The following SPRR2B variants were observed in gnomAD, a reference collection of about 807,000 sequenced individuals.
SPRR2B encodes the protein small proline-rich protein 2B.
A neutral mutation model predicts 1.0 loss-of-function variants in SPRR2B; 1 was observed. The ratio of observed to expected loss-of-function variants is 1.01; its 90% confidence interval spans 0.36 to 4.77. SPRR2B has a LOEUF of 4.77. SPRR2B is among the 30% of genes most tolerant of loss of function. The pLI is 0.16. For synonymous variants in SPRR2B, 27 were observed against 33.4 expected, an observed-to-expected ratio of 0.81 and a Z score of 0.66; for missense variants, 53 against 88.7, an observed-to-expected ratio of 0.60 and a Z score of 1.62.
chr1:153,076,398 A>C (rs1654767642), upstream of SPRR2B, among the ~76,000 whole-genome samples: 3 of 152,202 alleles, frequency 2.0e-5, no homozygotes, highest in Non-Finnish European at 4.4e-5. Flanking sequence ...ATGGTAAATG[A>C]TGGAATAATT....
At chr1:153,078,954 G>A in the SPRR2B span, among the ~76,000 whole-genome samples, 2 of 152,108 alleles carry the variant, frequency 1.3e-5, no homozygotes, top group South Asian at 2.1e-4. Context: ...TTCCACAATC[G>A]TTGAACTAGT....
chr1:153,077,622 T>C, the SPRR2B span, among the ~76,000 whole-genome samples: 1 of 151,924 alleles, frequency 6.6e-6, no homozygotes, highest in Non-Finnish European at 1.5e-5. Flanking sequence ...TTTTTTTCTT[T>C]TCTTTTTTTT....
the SPRR2B span, among the ~76,000 whole-genome samples, chr1:153,084,888 G>A: frequency 6.6e-6 from 1 of 152,188 alleles, no homozygotes; most frequent in African/African-American, 2.4e-5. Flanking sequence ...TTCCCTCAGA[G>A]TTATGGCATG....
In SPRR2B at chr1:153,070,399, A is replaced by G. The variant is rs1481186388; in HGVS notation, c.*222T>C. ...TGAAGCTCTGGGAACTGACAAAGCC[A>G]AGGTTCCTTTGCTCAGTCTCCACCT... On this transcript the variant is annotated 3_prime_UTR_variant, in exon 2 of 2. Transcript: ENST00000368755. 4.7e-6 allele frequency: 4 copies of G among 853,960 alleles called. No homozygotes were observed. The highest frequency in any genetic ancestry group is 5.2e-6 in the Non-Finnish European group (3 of 573,116). The allele number at this position is 853,960 out of a possible 1,614,324, so 52.9% of individuals were successfully genotyped here.
At chr1:153,073,265 G>A (rs1654708914), upstream of SPRR2B, among the ~76,000 whole-genome samples, 1 of 152,212 alleles carries the variant, frequency 6.6e-6, no homozygotes, top group African/African-American at 2.4e-5. Flanking sequence ...GTCAAGTACA[G>A]TGGGTGCAGT....
At chr1:153,071,397 A>AT (rs1479976830) in intron 1 of SPRR2B, among the ~76,000 whole-genome samples, 172 bp downstream of exon 1, 4 of 151,542 alleles carry the variant, frequency 2.6e-5, no homozygotes, top group South Asian at 2.1e-4. Context: ...ATAACTGTAT[A>AT]TATTTTTTAA....
At chr1:153,081,135 C>G in the SPRR2B span, among the ~76,000 whole-genome samples, 1 of 152,108 alleles carries the variant, frequency 6.6e-6, no homozygotes, top group African/African-American at 2.4e-5. Context: ...AGACACCTAC[C>G]GTGACACACC....
the SPRR2B span, among the ~76,000 whole-genome samples, chr1:153,083,858 T>A: frequency 1.3e-5 from 2 of 152,314 alleles, 1 homozygote; most frequent in South Asian, 4.1e-4. Flanking sequence ...AGGGAGTGTC[T>A]GTAATGGAGC....
chr1:153,080,616 TGTACA>T, the SPRR2B span, among the ~76,000 whole-genome samples: 1 of 152,204 alleles, frequency 6.6e-6, no homozygotes, highest in Non-Finnish European at 1.5e-5. Context: ...GAAAAAAATT[TGTACA>T]GTAAAGGCTG....
the SPRR2B span, among the ~76,000 whole-genome samples, chr1:153,081,694 A>G: frequency 6.6e-6 from 1 of 152,258 alleles, no homozygotes; most frequent in South Asian, 2.1e-4. Context: ...TACAAGATTT[A>G]AAATGCAAAT....
At chr1:153,079,094 T>C in the SPRR2B span, among the ~76,000 whole-genome samples, 2 of 152,232 alleles carry the variant, frequency 1.3e-5, no homozygotes, top group Non-Finnish European at 2.9e-5. Context: ...GGTTTTGATT[T>C]GCATTTCTCC....
At chr1:153,081,819 T>TCTTTG in the SPRR2B span, among the ~76,000 whole-genome samples, 1 of 140,430 alleles carries the variant, frequency 7.1e-6, no homozygotes, top group East Asian at 2.0e-4. Flanking sequence ...CCTTTTCTTT[T>TCTTTG]CTTTTCTTTT....
the SPRR2B span, among the ~76,000 whole-genome samples, chr1:153,080,239 CAAAT>C: frequency 2.0e-5 from 3 of 151,990 alleles, no homozygotes; most frequent in Non-Finnish European, 4.4e-5. Flanking sequence ...GTTGAAAACT[CAAAT>C]AATTCACTCT....
rs530112125 is a variant in SPRR2B at position 153,070,276 on chromosome 1, C to A, written c.*345G>T. 3.5e-5 allele frequency: 16 copies of A among 453,054 alleles called. No homozygotes were observed. In the South Asian group the frequency reaches 8.4e-4, roughly 24 times the overall value. The allele number at this position is 453,054 out of a possible 1,614,324, so 28.1% of individuals were successfully genotyped here. A position where few individuals can be genotyped will look rare whatever the true frequency, so the allele number is the denominator to read the frequency against. Reference sequence around the variant, plus strand: ...GAGTGAAAGAAAAGTGACAATTGCACAGGTGGTAGAAGCTCATGCCCAGGT... The same window carrying A: ...GAGTGAAAGAAAAGTGACAATTGCAAAGGTGGTAGAAGCTCATGCCCAGGT... On this transcript the variant is annotated 3_prime_UTR_variant, in exon 2 of 2. Coordinates refer to ENST00000368755, the MANE Select transcript of SPRR2B (RefSeq NM_001388198.1).
At chr1:153,080,389 T>A in the SPRR2B span, among the ~76,000 whole-genome samples, 1 of 152,146 alleles carries the variant, frequency 6.6e-6, no homozygotes, top group African/African-American at 2.4e-5. Flanking sequence ...CAAGAGAACA[T>A]GGAAGAACAC....
the SPRR2B span, among the ~76,000 whole-genome samples, chr1:153,082,507 T>C: frequency 5.9e-5 from 9 of 152,290 alleles, no homozygotes; most frequent in Middle Eastern, 3.4e-3. Flanking sequence ...AATCATACAA[T>C]GGACCTTTCC....
the SPRR2B span, among the ~76,000 whole-genome samples, chr1:153,083,448 T>A: frequency 6.6e-6 from 1 of 151,964 alleles, no homozygotes; most frequent in Non-Finnish European, 1.5e-5. Flanking sequence ...GCATACCAGA[T>A]CATTCCTGTG....
At chr1:153,080,343 C>T in the SPRR2B span, among the ~76,000 whole-genome samples, 7 of 152,052 alleles carry the variant, frequency 4.6e-5, no homozygotes, top group African/African-American at 1.4e-4. Context: ...TAGAACACTC[C>T]ACCCAACAGC....
the SPRR2B span, among the ~76,000 whole-genome samples, chr1:153,077,374 G>A: frequency 2.5e-3 from 374 of 152,220 alleles, 1 homozygote; most frequent in East Asian, 6.8e-3. Flanking sequence ...TGAAATAAAA[G>A]GATGCTGGAG....
Sources: allele counts gnomAD v4.1 joint callset (sites outside exome capture counted in the v4.1 genomes callset), GRCh38; gene constraint gnomAD v4.1.1; transcripts MANE v1.5; gene names NCBI Gene and HGNC (gene_info 2026-07-23, HGNC 2026-07-21).